Variants in SETX observed in about 807,000 individuals in gnomAD.
SETX encodes the protein senataxin.
In SETX, 90 loss-of-function variants were observed where a neutral mutation model predicts 227.2. The observed-to-expected ratio is 0.40, with a 90% CI of 0.33 to 0.47. SETX has a LOEUF of 0.47. Among genes scored for constraint, SETX ranks in the 20% least tolerant of loss-of-function variants. The pLI is 0.91. For synonymous variants in SETX, 1,210 were observed against 1,113.2 expected, an observed-to-expected ratio of 1.09 and a Z score of -1.73; for missense variants, 3,052 against 3,181.5, an observed-to-expected ratio of 0.96 and a Z score of 0.98.
chr9:132,339,705 C>T (rs1053975026), intron 5 of SETX, among the ~76,000 whole-genome samples: 4 of 152,086 alleles, frequency 2.6e-5, no homozygotes, highest in Non-Finnish European at 4.4e-5. Context: ...CCCTGCATCC[C>T]GGGTTCAAGC....
In SETX at chr9:132,328,696, G is replaced by A; in HGVS notation, c.2902C>T (p.Leu968=). Residue 968 remains leucine, a synonymous_variant, in exon 10 of 26, where the codon CTA becomes TTA. Transcript: ENST00000224140. The part of the protein sequence containing the change: ...IDRDLHKLSL[L]AQASVITFPS... ...AACGTAATAACACTGGCTTGAGCTA[G>A]TAAAGATAATTTGTGAAGGTCTCTG... The A allele has an allele frequency of 1.2e-6, 2 of 1,613,882 alleles. No homozygotes were observed. Among genetic ancestry groups the A allele is most frequent in the Non-Finnish European group, 1.7e-6 (2 of 1,179,880 alleles).
At chr9:132,315,008 G>A (rs1187189939) in intron 10 of SETX, among the ~76,000 whole-genome samples, 2 of 149,198 alleles carry the variant, frequency 1.3e-5, no homozygotes, top group African/African-American at 5.0e-5. Context: ...CACCTCCCGG[G>A]TTCAAGCAAT....
chr9:132,352,938 T>C (rs1223597486), intron 2 of SETX, among the ~76,000 whole-genome samples: 1 of 152,216 alleles, frequency 6.6e-6, no homozygotes, highest in Non-Finnish European at 1.5e-5. Context: ...CTCCAGAGCC[T>C]ACCCCTTAAT....
intron 4 of SETX, among the ~76,000 whole-genome samples, chr9:132,343,763 CA>C (rs891532719): frequency 1.3e-5 from 2 of 151,796 alleles, no homozygotes; most frequent in African/African-American, 2.4e-5. Flanking sequence ...GTTTGACTTG[CA>C]AAAAAACATC....
intron 5 of SETX, among the ~76,000 whole-genome samples, chr9:132,341,139 G>A (rs1847931683): frequency 6.6e-6 from 1 of 152,140 alleles, no homozygotes. Context: ...TTGAGGTTAG[G>A]AGTTTGAGAC....
chr9:132,307,335 TA>T (rs1265249540), intron 11 of SETX, among the ~76,000 whole-genome samples: 5 of 139,460 alleles, frequency 3.6e-5, no homozygotes, highest in African/African-American at 1.4e-4. Context: ...CAGAGCTAAA[TA>T]AGTTTTTTTT....
chr9:132,333,551 G>A (rs1847401706), intron 7 of SETX, among the ~76,000 whole-genome samples: 1 of 151,580 alleles, frequency 6.6e-6, no homozygotes, highest in African/African-American at 2.4e-5. Context: ...TGAAGAGAAT[G>A]AGGGGAAAAA....
chr9:132,351,536 T>C (rs1458773975), intron 2 of SETX, among the ~76,000 whole-genome samples: 3 of 152,130 alleles, frequency 2.0e-5, no homozygotes, highest in African/African-American at 4.8e-5. Flanking sequence ...ACTACCAAAA[T>C]AGGTGAGTGT....
chr9:132,331,139 C>G lies in SETX; in HGVS notation c.1011G>C (p.Arg337Ser), dbSNP rs990341832. The change falls in exon 9 of 26, where the codon AGG (arginine) becomes AGC (serine). Residue 337 changes from arginine to serine, a missense_variant and splice_region_variant. Arg to Ser is a moderately radical substitution (Grantham distance 110). Coordinates refer to ENST00000224140, the MANE Select transcript of SETX (RefSeq NM_015046.7). ...EIRHIRNSSV[R>S]TKLEPESYLD... ...AATAGGACTCCGGTTCTAACTTGGT[C>G]CTTAAATATTAAGAATAAATAGAAA... 1.2e-6 allele frequency: 2 copies of G among 1,612,598 alleles called. No homozygotes were observed. The highest frequency in any genetic ancestry group is 1.7e-6 in the Non-Finnish European group (2 of 1,178,894).
At chr9:132,292,625 ATTTT>A in intron 15 of SETX, among the ~76,000 whole-genome samples, 1 of 125,204 alleles carries the variant, frequency 8.0e-6, no homozygotes, top group South Asian at 2.6e-4. Context: ...TTCCCAACTC[ATTTT>A]TTTTTTTTTT....
intron 2 of SETX, among the ~76,000 whole-genome samples, chr9:132,351,911 C>CT (rs1401941659): frequency 6.6e-6 from 1 of 152,134 alleles, no homozygotes; most frequent in African/African-American, 2.4e-5. Flanking sequence ...TCTGAGCACC[C>CT]ACCAAAAAGA....
rs1843210681 is a variant in SETX, at chr9:132,277,168, AGC to A, written c.6843-18_6843-17del. 6.4e-7 allele frequency: 1 copy of A among 1,563,320 alleles called. No homozygotes were observed. ...TTCTGTCTGTCTGTAAAAAAAAAAA[AGC>A]AGTCAACATTCAGAATAAAGTCAAG... On this transcript the variant is annotated splice_polypyrimidine_tract_variant and intron_variant, in intron 21 of 25. Transcript: ENST00000224140.
chr9:132,330,855 A>G (rs1228130711), intron 9 of SETX, among the ~76,000 whole-genome samples, 197 bp downstream of exon 9: 3 of 152,204 alleles, frequency 2.0e-5, no homozygotes, highest in South Asian at 2.1e-4. Flanking sequence ...TTAATTTTCC[A>G]AAGTATGCAT....
At chr9:132,342,621 C>A (rs750283378) in intron 5 of SETX, 69 bp downstream of exon 5, 12 of 1,118,378 alleles carry the variant, frequency 1.1e-5, no homozygotes, top group Non-Finnish European at 1.6e-5. Flanking sequence ...ACACCAAAAA[C>A]CGCTATTATA....
At chr9:132,333,625 C>T (rs907592536) in intron 7 of SETX, among the ~76,000 whole-genome samples, 1 of 151,860 alleles carries the variant, frequency 6.6e-6, no homozygotes, top group East Asian at 1.9e-4. Flanking sequence ...TCATTACTTC[C>T]TAAAGATTAG....
Position 132,283,250 on chromosome 9 carries a change from G to A in SETX, c.6546+14C>T, listed in dbSNP as rs370140644. 7 of 1,613,914 alleles carry A rather than the reference G, an allele frequency of 4.3e-6. No individual in the cohort carries two copies. The highest frequency in any genetic ancestry group is 5.9e-6 in the Non-Finnish European group (7 of 1,179,966). ...TAGTAGTAGTCAAAGTTGTATGGCT[G>A]ACCGTTCACTGACCTCATCAACAAT... On this transcript the variant is annotated intron_variant, in intron 19 of 25. Coordinates refer to ENST00000224140, the MANE Select transcript of SETX (RefSeq NM_015046.7).
rs1461021497 is a variant in SETX, at chr9:132,333,408, A to ATAT, written c.838+1199_838+1200insATA. On this transcript the variant is annotated intron_variant, in intron 7 of 25. Coordinates refer to ENST00000224140, the MANE Select transcript of SETX (RefSeq NM_015046.7). ...GAAAAAAAAAAAAAAGAAAAAAAAA[A>ATAT]ATATATATACACACACACACACACA... is the stretch of plus-strand genomic sequence containing the variant. Among the ~76,000 whole-genome samples, 549 of 72,138 alleles carry ATAT rather than the reference A, an allele frequency of 7.6e-3. 26 individuals carry two copies. The highest frequency in any genetic ancestry group is 0.011 in the African/African-American group (177 of 16,764). The allele number at this position is 72,138 out of a possible 152,430, so 47.3% of individuals were successfully genotyped here.
Position 132,328,553 on chromosome 9 carries a change from A to C in SETX, c.3045T>G (p.Ile1015Met), listed in dbSNP as rs1564542790. The C allele has an allele frequency of 6.2e-7, 1 of 1,614,076 alleles. No homozygotes were observed. The highest frequency in any genetic ancestry group is 8.5e-7 in the Non-Finnish European group (1 of 1,180,002). The change falls in exon 10 of 26, where the codon ATT (isoleucine) becomes ATG (methionine). Residue 1015 changes from isoleucine (I) to methionine (M), a missense_variant. Physicochemically the swap from Ile to Met is conservative, Grantham distance 10. Around this residue, in one of 10 missense-constraint regions of SETX, gnomAD observed 1,483 missense variants for 1,312.0 expected, o/e 1.13. Coordinates refer to ENST00000224140, the MANE Select transcript of SETX (RefSeq NM_015046.7). ...CATCATCATCATCAGAATCTGAAAT[A>C]ATAATAACCTGTCCACGGGAGGTAT... is the stretch of plus-strand genomic sequence containing the variant. ...VGDTSRGQVI[I>M]ISDSDDDDDE...
chr9:132,351,713 T>G (rs1294777651), intron 2 of SETX, among the ~76,000 whole-genome samples: 2 of 152,240 alleles, frequency 1.3e-5, no homozygotes, highest in African/African-American at 4.8e-5. Flanking sequence ...AGGGCATATT[T>G]TGTCTTTAAG....
Sources: gnomAD v4.1 joint callset for allele counts (sites outside exome capture counted in the v4.1 genomes callset) on GRCh38, gnomAD v4.1.1 for gene constraint, gnomAD v4.1.1 regional missense constraint, MANE v1.5 for transcripts, NCBI Gene and HGNC (gene_info 2026-07-23, HGNC 2026-07-21) for gene names.